Variants in SLC7A2 observed in about 807,000 individuals in gnomAD.
SLC7A2 encodes the protein cationic amino acid transporter 2.
A neutral mutation model predicts 58.9 loss-of-function variants in SLC7A2; 48 were observed. The observed-to-expected ratio is 0.82, with a 90% CI of 0.65 to 1.04. SLC7A2 has a LOEUF of 1.04. Among genes scored for constraint, SLC7A2 ranks in the 50% least tolerant of loss-of-function variants. SLC7A2 has a pLI of 0.00. For synonymous variants in SLC7A2, 363 were observed against 314.5 expected (o/e 1.15, Z -1.63); for missense variants, 1,029 against 818.8 (o/e 1.26, Z -3.13).
chr8:17,519,282 T>C (rs1485144925), intron 2 of SLC7A2, among the ~76,000 whole-genome samples: 2 of 152,214 alleles, frequency 1.3e-5, no homozygotes, highest in Non-Finnish European at 2.9e-5. Context: ...GCCTAGTTCC[T>C]AAAACATAGT....
intron 2 of SLC7A2, among the ~76,000 whole-genome samples, chr8:17,521,017 T>G (rs1195147034): frequency 6.6e-6 from 1 of 152,170 alleles, no homozygotes; most frequent in Non-Finnish European, 1.5e-5. Context: ...AGATTTCCTT[T>G]AGAAAGAAAA....
intron 2 of SLC7A2, among the ~76,000 whole-genome samples, chr8:17,509,373 T>C (rs1036839561): frequency 6.6e-6 from 1 of 152,176 alleles, no homozygotes; most frequent in African/African-American, 2.4e-5. Context: ...TGGTGTGATC[T>C]TGGCTCATTG....
intron 2 of SLC7A2, among the ~76,000 whole-genome samples, chr8:17,509,430 C>T (rs1369867208): frequency 6.6e-6 from 1 of 152,078 alleles, no homozygotes; most frequent in African/African-American, 2.4e-5. Context: ...CTCACCCTCC[C>T]AAGTAGCTGG....
At chr8:17,554,897 A>G (rs745633397) in intron 8 of SLC7A2, 198 bp downstream of exon 8, 2 of 1,606,538 alleles carry the variant, frequency 1.2e-6, no homozygotes, top group Non-Finnish European at 8.5e-7. Flanking sequence ...CCTGTCTAGA[A>G]TAATCCTTAA....
intron 2 of SLC7A2, among the ~76,000 whole-genome samples, chr8:17,539,297 C>A (rs562856827): frequency 6.6e-6 from 1 of 151,976 alleles, no homozygotes; most frequent in Non-Finnish European, 1.5e-5. Context: ...GAATAAGGTG[C>A]GTAGAAATGG....
Position 17,563,843 on chromosome 8 carries a change from G to A in SLC7A2, c.1780+132G>A, listed in dbSNP as rs549101129. ...TCTTTCCTAATTCTTAGGGATGTCC[G>A]AGTGCTTTTCCAGATGTTTTCAGAT... On this transcript the variant is annotated intron_variant, in intron 12 of 12. Coordinates refer to ENST00000494857, the MANE Select transcript of SLC7A2 (RefSeq NM_001370338.1). 27 of 628,264 alleles carry A rather than the reference G, an allele frequency of 4.3e-5. No homozygotes were observed. In the South Asian group the frequency reaches 4.9e-4, roughly 11 times the overall value. The allele number at this position is 628,264 out of a possible 1,614,324, so 38.9% of individuals were successfully genotyped here.
Position 17,543,496 on chromosome 8 carries a change from T to C in SLC7A2, c.157T>C (p.Tyr53His), listed in dbSNP as rs1802014074. 2 of 1,613,940 alleles carry C rather than the reference T, an allele frequency of 1.2e-6. No individual in the cohort carries two copies. Among genetic ancestry groups the C allele is most frequent in the South Asian group, 1.1e-5 (1 of 91,074 alleles). ...GVGSTLGAGV[Y>H]VLAGEVAKAD... ...TGGAAGCACCCTTGGGGCCGGGGTTTATGTCCTCGCTGGGGAGGTGGCCAA... is the reference window on the plus strand; with the variant it reads ...TGGAAGCACCCTTGGGGCCGGGGTTCATGTCCTCGCTGGGGAGGTGGCCAA... Residue 53 changes from tyrosine to histidine, a missense_variant, in exon 3 of 13, where the codon TAT becomes CAT. Transcript: ENST00000494857.
At chr8:17,529,789 G>T (rs1182590661) in intron 2 of SLC7A2, among the ~76,000 whole-genome samples, 1 of 151,966 alleles carries the variant, frequency 6.6e-6, no homozygotes, top group Non-Finnish European at 1.5e-5. Flanking sequence ...CGCCCACCTT[G>T]GCCTACCAAC....
chr8:17,535,628 C>A (rs1021610948), intron 2 of SLC7A2, among the ~76,000 whole-genome samples: 1 of 152,140 alleles, frequency 6.6e-6, no homozygotes, highest in Non-Finnish European at 1.5e-5. Context: ...TTTGGCCGGG[C>A]GCGGTGGCTT....
At chr8:17,559,980 A>G (rs1262209032) in intron 9 of SLC7A2, among the ~76,000 whole-genome samples, 5 of 152,128 alleles carry the variant, frequency 3.3e-5, no homozygotes, top group Non-Finnish European at 5.9e-5. Context: ...ATTTACCCAG[A>G]GCTTCTGTGC....
intron 2 of SLC7A2, among the ~76,000 whole-genome samples, chr8:17,538,474 A>G (rs1801767070): frequency 6.6e-6 from 1 of 152,238 alleles, no homozygotes; most frequent in South Asian, 2.1e-4. Context: ...TCAAGGCTGA[A>G]CAGTTACCAC....
chr8:17,550,223 G>A lies in SLC7A2; in HGVS notation c.699-78G>A, dbSNP rs2150753105. ...CTAATAAACACAACCACCTTCCAAG[G>A]ATATAGTCTGAGAAAAGTCACCAGA... On this transcript the variant is annotated intron_variant, in intron 5 of 12. Transcript: ENST00000494857. The A allele has an allele frequency of 3.7e-6, 5 of 1,365,530 alleles. No individual in the cohort carries two copies. In the East Asian group the frequency reaches 1.1e-4, roughly 31 times the overall value. The allele number at this position is 1,365,530 out of a possible 1,614,324, so 84.6% of individuals were successfully genotyped here. A position where few individuals can be genotyped will look rare whatever the true frequency, so the allele number is the denominator to read the frequency against.
chr8:17,558,169 C>G (rs1231015026), intron 8 of SLC7A2, 126 bp from the exon 9 acceptor site: 10 of 633,270 alleles, frequency 1.6e-5, no homozygotes, highest in Non-Finnish European at 2.9e-5. Flanking sequence ...ATTTTCTACA[C>G]TCTGGTTGAC....
chr8:17,563,559 C>A, intron 11 of SLC7A2, 44 bp from the exon 12 acceptor site: 1 of 1,193,194 alleles, frequency 8.4e-7, no homozygotes, highest in Non-Finnish European at 1.2e-6. Flanking sequence ...GGGGAATATG[C>A]TTCAAAATAT....
chr8:17,551,901 C>G lies in SLC7A2; in HGVS notation c.970C>G (p.Pro324Ala), dbSNP rs1274927733. Residue 324 changes from proline to alanine, a missense_variant, in exon 7 of 13, where the codon CCC (proline) becomes GCC (alanine). Pro to Ala is a conservative substitution (Grantham distance 27). Transcript: ENST00000494857. Reference sequence around the variant, plus strand: ...GTACTACCTCCTCGATGAAAAAAGCCCCCTTCCTGTAGCGTTTGAATATGT... The same window carrying G: ...GTACTACCTCCTCGATGAAAAAAGCGCCCTTCCTGTAGCGTTTGAATATGT... ...MPYYLLDEKS[P>A]LPVAFEYVGW... 4 of 1,613,926 alleles carry G rather than the reference C, an allele frequency of 2.5e-6. No homozygotes were observed. The highest frequency in any genetic ancestry group is 3.4e-6 in the Non-Finnish European group (4 of 1,179,992).
chr8:17,525,540 A>G (rs1465717099), intron 2 of SLC7A2, among the ~76,000 whole-genome samples: 5 of 152,224 alleles, frequency 3.3e-5, no homozygotes, highest in Non-Finnish European at 7.3e-5. Context: ...GTGTATGAAC[A>G]GTAGGAGTGG....
chr8:17,543,515 T>C lies in SLC7A2; in HGVS notation c.176T>C (p.Val59Ala). The C allele has an allele frequency of 6.2e-7, 1 of 1,613,574 alleles. No individual in the cohort carries two copies. The highest frequency in any genetic ancestry group is 8.5e-7 in the Non-Finnish European group (1 of 1,179,836). The change falls in exon 3 of 13, where the codon GTG becomes GCG. Residue 59 changes from valine (V) to alanine (A), a missense_variant. Transcript: ENST00000494857. ...GGGGTTTATGTCCTCGCTGGGGAGG[T>C]GGCCAAGGCAGACTCGGGCCCCAGC... is the stretch of plus-strand genomic sequence containing the variant. Reference protein sequence around the residue: ...GAGVYVLAGEVAKADSGPSIV... With the variant: ...GAGVYVLAGEAAKADSGPSIV...
At chr8:17,503,671 T>C (rs1800257660) in intron 2 of SLC7A2, among the ~76,000 whole-genome samples, 1 of 152,148 alleles carries the variant, frequency 6.6e-6, no homozygotes, top group African/African-American at 2.4e-5. Flanking sequence ...TGACAAAAAT[T>C]CAAATGGAAA....
At chr8:17,516,159 T>G (rs1038055256) in intron 2 of SLC7A2, among the ~76,000 whole-genome samples, 3 of 152,128 alleles carry the variant, frequency 2.0e-5, no homozygotes, top group Non-Finnish European at 4.4e-5. Flanking sequence ...TGTCAGACAC[T>G]TTGCTTGTCC....
Sources: gnomAD v4.1 joint callset for allele counts (sites outside exome capture counted in the v4.1 genomes callset) on GRCh38, gnomAD v4.1.1 for gene constraint, MANE v1.5 for transcripts, NCBI Gene and HGNC (gene_info 2026-07-23, HGNC 2026-07-21) for gene names.